MROH1: variants seen among roughly 807,000 people sequenced by gnomAD.
The protein encoded by MROH1 is maestro heat-like repeat-containing protein family member 1.
Under a neutral mutation model 116.5 loss-of-function variants are expected in MROH1, and 117 were observed. The observed-to-expected ratio is 1.00, with a 90% confidence interval of 0.86 to 1.17. MROH1 has a LOEUF of 1.17. Ranked by LOEUF, MROH1 falls within the 50% of genes most tolerant of loss-of-function variation. The pLI is 0.00. For missense variants in MROH1, 1,873 were observed against 1,338.5 expected (o/e 1.40, Z -6.23); for synonymous variants, 921 against 583.9 (o/e 1.58, Z -8.32).
Position 144,223,143 on chromosome 8 carries a change from G to A in MROH1, c.1251G>A (p.Met417Ile). The change falls in exon 14 of 44, where the codon ATG becomes ATA. Residue 417 changes from methionine to isoleucine, a missense_variant. Coordinates refer to ENST00000326134, the MANE Select transcript of MROH1 (RefSeq NM_032450.3). ...KRAVVQVISA[M>I]AHHGYLEQPG... The stretch of plus-strand genomic sequence containing the variant: ...CAGTGGTGCAGGTGATTAGCGCCAT[G>A]GCCCACCACGGCTACCTGGAGCAGC... 3.1e-6 allele frequency: 5 copies of A among 1,613,104 alleles called. No individual in the cohort carries two copies. Among genetic ancestry groups the A allele is most frequent in the Non-Finnish European group, 4.2e-6 (5 of 1,179,608 alleles).
At chr8:144,189,742 C>T (rs1170107940) in intron 7 of MROH1, among the ~76,000 whole-genome samples, 3 of 152,204 alleles carry the variant, frequency 2.0e-5, no homozygotes, top group Non-Finnish European at 4.4e-5. Flanking sequence ...CTCTTCCCGC[C>T]CACACTGTGC....
At chr8:144,156,073 T>G (rs959455822) in intron 1 of MROH1, among the ~76,000 whole-genome samples, 1 of 151,612 alleles carries the variant, frequency 6.6e-6, no homozygotes, top group Admixed American at 6.6e-5. Flanking sequence ...ACTCCGCCTG[T>G]ACTAAAAATA....
Position 144,260,766 on chromosome 8 carries a change from C to T in MROH1, c.4470C>T (p.Asp1490=). 1 of 779,070 alleles carries T rather than the reference C, an allele frequency of 1.3e-6. No individual in the cohort carries two copies. Among genetic ancestry groups the T allele is most frequent in the South Asian group, 1.3e-5 (1 of 74,612 alleles). The allele number at this position is 779,070 out of a possible 1,614,324, so 48.3% of individuals were successfully genotyped here. ...GAGACTGTGAGGACGTCTTCCTGGA[C>T]CAGGTGGTGGGCGGGCTGGCGCCCC... ...CHGDCEDVFL[D]QVVGGLAPLL... is the part of the protein sequence containing the mutation. The change falls in exon 40 of 44, where the codon GAC becomes GAT. Residue 1490 remains aspartate, a synonymous_variant. Coordinates refer to ENST00000326134, the MANE Select transcript of MROH1 (RefSeq NM_032450.3).
At chr8:144,158,084 C>A (rs1379805090) in intron 1 of MROH1, among the ~76,000 whole-genome samples, 7 of 150,588 alleles carry the variant, frequency 4.6e-5, no homozygotes, top group African/African-American at 1.7e-4. Context: ...ACTCCGCCCC[C>A]TGGGTTCAAG....
At chr8:144,225,202 G>T (rs1056570385) in intron 14 of MROH1, among the ~76,000 whole-genome samples, 2 of 151,900 alleles carry the variant, frequency 1.3e-5, no homozygotes, top group Admixed American at 6.6e-5. Context: ...GCCACCATGG[G>T]TGGCACTTCT....
At chr8:144,247,499 G>A in intron 30 of MROH1, 63 bp downstream of exon 30, 1 of 760,310 alleles carries the variant, frequency 1.3e-6, no homozygotes, top group Non-Finnish European at 2.4e-6. Flanking sequence ...GGGATGAGGT[G>A]CGGAGTCCAG....
chr8:144,173,500 G>A lies in MROH1; in HGVS notation c.168+5060G>A, dbSNP rs549682162. 2.7e-3 allele frequency among the ~76,000 whole-genome samples: 402 copies of A among 150,808 alleles called. 3 individuals are homozygous for A. Among genetic ancestry groups the A allele is most frequent in the African/African-American group, 9.0e-3 (369 of 40,970 alleles). Reference sequence around the variant, plus strand: ...GGAGTACAATGGCGCAAACCGGCTCGCTGCAACCTCTGCCTCCTGGGTTCA... The same window carrying A: ...GGAGTACAATGGCGCAAACCGGCTCACTGCAACCTCTGCCTCCTGGGTTCA... On this transcript the variant is annotated intron_variant, in intron 4 of 43. Transcript: ENST00000326134.
intron 12 of MROH1, among the ~76,000 whole-genome samples, chr8:144,212,580 CTTTTTTTTTTTT>C (rs59225464): frequency 8.5e-5 from 4 of 47,200 alleles, no homozygotes; most frequent in Non-Finnish European, 3.5e-5. Context: ...TCTTCTGTTA[CTTTTTTTTTTTT>C]TTTTTTTTTT....
chr8:144,255,782 C>T (rs971542996), intron 35 of MROH1, 77 bp downstream of exon 35: 409 of 684,008 alleles, frequency 6.0e-4, no homozygotes, highest in Non-Finnish European at 7.8e-4. Flanking sequence ...GTGGTGGGGG[C>T]GGACGGCAGA....
chr8:144,169,514 C>G (rs1310030936), intron 4 of MROH1, among the ~76,000 whole-genome samples: 1 of 149,810 alleles, frequency 6.7e-6, no homozygotes, highest in Non-Finnish European at 1.5e-5. Context: ...GTGCAGTGGA[C>G]CATCTCGGCT....
rs540421190 is a variant in MROH1 at position 144,216,729 on chromosome 8, G to A, written c.1142-3871G>A. Among the ~76,000 whole-genome samples, 83 of 147,886 alleles carry A rather than the reference G, an allele frequency of 5.6e-4. 1 individual carries two copies. The highest frequency in any genetic ancestry group is 2.1e-3 in the African/African-American group (80 of 38,134). On this transcript the variant is annotated intron_variant, in intron 12 of 43. Transcript: ENST00000326134. ...TTTTGAAATGGAGTCTTGCTGTGTC[G>A]CCCAGGCTAGAGTGCAGTGTCATGA...
intron 1 of MROH1, among the ~76,000 whole-genome samples, chr8:144,160,573 C>T (rs1272252169): frequency 2.6e-5 from 4 of 152,112 alleles, no homozygotes; most frequent in Non-Finnish European, 5.9e-5. Context: ...GTCCCACCGG[C>T]TAGAACCCAG....
At chr8:144,259,779 C>T in intron 37 of MROH1, 132 bp from the exon 38 acceptor site, 2 of 692,738 alleles carry the variant, frequency 2.9e-6, no homozygotes, top group South Asian at 3.0e-5. Flanking sequence ...TGATCGGAGA[C>T]CCAGGGAGTA....
chr8:144,176,429 G>C (rs1477790614), intron 4 of MROH1, among the ~76,000 whole-genome samples: 3 of 150,904 alleles, frequency 2.0e-5, no homozygotes, highest in African/African-American at 7.3e-5. Flanking sequence ...CCAGCTACTT[G>C]AGAGGTTGTG....
intron 33 of MROH1, among the ~76,000 whole-genome samples, chr8:144,252,938 G>A (rs1194428973): frequency 5.5e-5 from 8 of 146,730 alleles, no homozygotes; most frequent in African/African-American, 7.6e-5. Flanking sequence ...CCTGGGCAAC[G>A]AGAGCGAAAC....
rs951246177 is a variant in MROH1, at chr8:144,245,141, G to T, written c.2767-15G>T. On this transcript the variant is annotated splice_polypyrimidine_tract_variant and intron_variant, in intron 28 of 43. Transcript: ENST00000326134. ...GCCCTCTGAGCAGTACCTGTGTGAC[G>T]CCCCTCTTCCTCAGCACCTGAGCCC... is the stretch of plus-strand genomic sequence containing the variant. 5 of 778,746 alleles carry T rather than the reference G, an allele frequency of 6.4e-6. No individual in the cohort carries two copies. The highest frequency in any genetic ancestry group is 2.4e-5 in the East Asian group (1 of 41,260). The allele number at this position is 778,746 out of a possible 1,614,324, so 48.2% of individuals were successfully genotyped here.
chr8:144,260,210 C>T lies in MROH1; in HGVS notation c.4216C>T (p.Leu1406Phe), dbSNP rs1564585636. ...GGTGCGAACCCACGGCCCCCAGCTCCTCACAGCCATGATTGGCGGGCTGGA... is the reference window on the plus strand; with the variant it reads ...GGTGCGAACCCACGGCCCCCAGCTCTTCACAGCCATGATTGGCGGGCTGGA... ...DKVRTHGPQL[L>F]TAMIGGLDDG... The change falls in exon 39 of 44, where the codon CTC (leucine) becomes TTC (phenylalanine). Residue 1406 changes from leucine (L) to phenylalanine (F), a missense_variant. By Grantham distance (22) the Leu-to-Phe change is conservative. Coordinates refer to ENST00000326134, the MANE Select transcript of MROH1 (RefSeq NM_032450.3). 2 of 765,514 alleles carry T rather than the reference C, an allele frequency of 2.6e-6. No individual in the cohort carries two copies. Among genetic ancestry groups the T allele is most frequent in the East Asian group, 2.4e-5 (1 of 41,254 alleles). The allele number at this position is 765,514 out of a possible 1,614,324, so 47.4% of individuals were successfully genotyped here. A position where few individuals can be genotyped will look rare whatever the true frequency, so the allele number is the denominator to read the frequency against.
At chr8:144,238,596 G>A (rs1002279408) in intron 14 of MROH1, among the ~76,000 whole-genome samples, 160 bp from the exon 15 acceptor site, 2 of 152,250 alleles carry the variant, frequency 1.3e-5, no homozygotes, top group African/African-American at 2.4e-5. Flanking sequence ...TTTCTTGGGT[G>A]ATCTTAGCGG....
intron 12 of MROH1, among the ~76,000 whole-genome samples, chr8:144,204,354 C>G (rs1389373152): frequency 1.3e-5 from 2 of 152,198 alleles, no homozygotes; most frequent in Admixed American, 1.3e-4. Context: ...TCAAGTGATC[C>G]TCTTTCCTTG....
Sources: allele counts gnomAD v4.1 joint callset (sites outside exome capture counted in the v4.1 genomes callset), GRCh38; gene constraint gnomAD v4.1.1; transcripts MANE v1.5; gene names NCBI Gene and HGNC (gene_info 2026-07-23, HGNC 2026-07-21).